SRCAP: variants seen among roughly 807,000 people sequenced by gnomAD.
SRCAP encodes the protein chromatin remodeling protein SRCAP.
A neutral mutation model predicts 263.1 loss-of-function variants in SRCAP; 46 were observed. The ratio of observed to expected loss-of-function variants is 0.17; its 90% CI spans 0.14 to 0.22. The LOEUF (loss-of-function observed/expected upper bound fraction) is 0.22. Among genes scored for constraint, SRCAP ranks in the 10% least tolerant of loss-of-function variants. The probability of loss-of-function intolerance (pLI) is 1.00; values close to 1 mark genes in which losing one functional copy is unlikely to be tolerated. For synonymous variants in SRCAP, 1,813 were observed against 1,662.1 expected (o/e 1.09, Z -2.21); for missense variants, 3,695 against 4,181.9 (o/e 0.88, Z 3.21).
In SRCAP at chr16:30,734,049, C is replaced by T. The variant is rs1390488795; in HGVS notation, c.6609+41C>T. ...TTTTAGCCTATGCAGGAGAAAACTGCTGCGCCTTCAGGAGTTCCTCCTGTT... is the reference window on the plus strand; with the variant it reads ...TTTTAGCCTATGCAGGAGAAAACTGTTGCGCCTTCAGGAGTTCCTCCTGTT... On this transcript the variant is annotated intron_variant, in intron 30 of 33. Coordinates refer to ENST00000262518, the MANE Select transcript of SRCAP (RefSeq NM_006662.3). 9.9e-6 allele frequency: 15 copies of T among 1,518,202 alleles called. No individual in the cohort carries two copies. In the East Asian group the frequency reaches 3.4e-4, roughly 34 times the overall value. The allele number at this position is 1,518,202 out of a possible 1,614,324, so 94.0% of individuals were successfully genotyped here.
intron 25 of SRCAP, among the ~76,000 whole-genome samples, chr16:30,727,877 C>T (rs532275749): frequency 4.6e-5 from 7 of 151,888 alleles, no homozygotes; most frequent in Admixed American, 3.3e-4. Flanking sequence ...TGTAGAGATG[C>T]GGTTTTGCCA....
chr16:30,704,925 G>A (rs762007611), intron 4 of SRCAP, among the ~76,000 whole-genome samples: 4 of 152,142 alleles, frequency 2.6e-5, no homozygotes, highest in Non-Finnish European at 2.9e-5. Context: ...TATTTCTATC[G>A]TGCAGTCTGT....
rs373855752 is a variant in SRCAP at position 30,737,491 on chromosome 16, C to T, written c.7451C>T (p.Ser2484Phe). 1 of 1,594,790 alleles carries T rather than the reference C, an allele frequency of 6.3e-7. No individual in the cohort carries two copies. Among genetic ancestry groups the T allele is most frequent in the Non-Finnish European group, 8.6e-7 (1 of 1,164,034 alleles). ...ITILPVHILPSPPPPSQIPPC... is the reference protein window; with the variant it reads ...ITILPVHILPFPPPPSQIPPC... The stretch of plus-strand genomic sequence containing the variant: ...ATTCTCCCTGTCCATATCTTGCCTT[C>T]TCCTCCCCCTCCTTCACAGATTCCT... Residue 2484 changes from serine (S) to phenylalanine (F), a missense_variant, in exon 34 of 34, where the codon TCT becomes TTT. Ser to Phe is a radical substitution (Grantham distance 155). Around this residue, in one of 12 missense-constraint regions of SRCAP, gnomAD observed 1,207 missense variants for 1,142.9 expected, o/e 1.06. Coordinates refer to ENST00000262518, the MANE Select transcript of SRCAP (RefSeq NM_006662.3).
In SRCAP at chr16:30,738,718, A is replaced by T. The variant is rs1280375825; in HGVS notation, c.8678A>T (p.Asp2893Val). The T allele has an allele frequency of 6.2e-7, 1 of 1,614,006 alleles. No homozygotes were observed. Among genetic ancestry groups the T allele is most frequent in the Admixed American group, 1.7e-5 (1 of 60,010 alleles). Residue 2893 changes from aspartate to valine, a missense_variant, in exon 34 of 34, where the codon GAC (aspartate) becomes GTC (valine). Physicochemically the swap from Asp to Val is radical, Grantham distance 152. Transcript: ENST00000262518. ...STLKGKTNGA[D>V]PVPGPETLIV... ...TTGAAGGGAAAAACCAATGGGGCTG[A>T]CCCAGTCCCTGGGCCTGAGACCCTA... is the stretch of plus-strand genomic sequence containing the variant.
chr16:30,729,670 A>C (rs1446905589), intron 27 of SRCAP, 98 bp downstream of exon 27: 5 of 1,425,494 alleles, frequency 3.5e-6, no homozygotes, highest in Non-Finnish European at 4.8e-6. Context: ...TTCTCTTGCG[A>C]TTTCTGTAAA....
intron 23 of SRCAP, 37 bp from the exon 24 acceptor site, chr16:30,722,926 T>A (rs772809666): frequency 7.2e-5 from 113 of 1,576,572 alleles, no homozygotes; most frequent in Non-Finnish European, 9.5e-5. Context: ...CTTTTGTTTC[T>A]TTTCTACCTT....
At chr16:30,719,516 T>G (rs2052988905) in intron 18 of SRCAP, among the ~76,000 whole-genome samples, 1 of 148,110 alleles carries the variant, frequency 6.8e-6, no homozygotes, top group East Asian at 2.0e-4. Context: ...CACCCGGCCT[T>G]TTTTTTTTTA....
chr16:30,707,486 G>C, intron 5 of SRCAP, 86 bp from the exon 6 acceptor site: 2 of 1,605,942 alleles, frequency 1.2e-6, no homozygotes, highest in Non-Finnish European at 1.7e-6. Context: ...TGATTTTCCA[G>C]ATTTCTTGGC....
intron 32 of SRCAP, 64 bp from the exon 33 acceptor site, chr16:30,736,477 A>G (rs1013081956): frequency 1.9e-6 from 3 of 1,611,428 alleles, no homozygotes; most frequent in Admixed American, 3.4e-5. Flanking sequence ...GGTGGGAATA[A>G]ATAAGGGTGG....
intron 24 of SRCAP, 139 bp from the exon 25 acceptor site, chr16:30,723,445 A>G (rs2053031045): frequency 1.4e-6 from 2 of 1,480,184 alleles, no homozygotes; most frequent in Non-Finnish European, 8.9e-7. Context: ...TTGTCAGATT[A>G]CTTGGATGTT....
chr16:30,730,824 C>T (rs1034991492), intron 27 of SRCAP, among the ~76,000 whole-genome samples: 8 of 151,036 alleles, frequency 5.3e-5, no homozygotes, highest in East Asian at 3.9e-4. Flanking sequence ...CCCACCACAA[C>T]GCCTGGGTGA....
Position 30,724,031 on chromosome 16 carries a change from G to T in SRCAP, c.4607G>T (p.Gly1536Val), listed in dbSNP as rs1362809821. The change falls in exon 25 of 34, where the codon GGG (glycine) becomes GTG (valine). Residue 1536 changes from glycine (G) to valine (V), a missense_variant. Physicochemically the swap from Gly to Val is moderately radical, Grantham distance 109. Transcript: ENST00000262518. ...GCTCCCACCTCTTCACATGTTCCAG[G>T]GTTGAACTCAACCGTGGCCCCAGCA... is the stretch of plus-strand genomic sequence containing the variant. ...LLAPTSSHVP[G>V]LNSTVAPACS... 1.9e-6 allele frequency: 3 copies of T among 1,613,822 alleles called. No individual in the cohort carries two copies. In the South Asian group the frequency reaches 3.3e-5, roughly 18 times the overall value.
rs1265372600 is a variant in SRCAP at position 30,716,017 on chromosome 16, C to T, written c.2494-49C>T. The T allele has an allele frequency of 1.9e-6, 3 of 1,611,010 alleles. No individual in the cohort carries two copies. The African/African-American group carries it at 4.0e-5, about 22-fold the overall frequency. On this transcript the variant is annotated intron_variant, in intron 16 of 33. Coordinates refer to ENST00000262518, the MANE Select transcript of SRCAP (RefSeq NM_006662.3). ...GTTTGCTGAGGGGCTTAGGCTGGGGCTCGGTGCCTGAGTTCTCCTGTTTAG... is the reference window on the plus strand; with the variant it reads ...GTTTGCTGAGGGGCTTAGGCTGGGGTTCGGTGCCTGAGTTCTCCTGTTTAG...
chr16:30,715,963 G>C (rs1275900900), intron 16 of SRCAP, 103 bp from the exon 17 acceptor site: 1 of 1,463,516 alleles, frequency 6.8e-7, no homozygotes, highest in Non-Finnish European at 9.3e-7. Flanking sequence ...GTTGGTGTCT[G>C]ATATGGTGTG....
At position 30,716,424 on chromosome 16, in the gene SRCAP, T is replaced by C; in HGVS notation, c.2762T>C (p.Ile921Thr). Residue 921 changes from isoleucine (I) to threonine (T), a missense_variant, in exon 18 of 34, where the codon ATC (isoleucine) becomes ACC (threonine). By Grantham distance (89) the Ile-to-Thr change is moderately conservative. Coordinates refer to ENST00000262518, the MANE Select transcript of SRCAP (RefSeq NM_006662.3). ...PVTSPFITPG[I>T]CFSTASLVLR... ...ACCTCCCCTTTCATCACCCCAGGCA[T>C]CTGCTTCAGCACCGCCTCTCTGGTG... 6.2e-7 allele frequency: 1 copy of C among 1,614,206 alleles called. No homozygotes were observed.
chr16:30,733,191 A>G lies in SRCAP; in HGVS notation c.6128-89A>G. On this transcript the variant is annotated intron_variant, in intron 27 of 33. Coordinates refer to ENST00000262518, the MANE Select transcript of SRCAP (RefSeq NM_006662.3). The surrounding 1 kb of genome is among the most constrained non-coding windows in gnomAD (Gnocchi z 5.3). Reference sequence around the variant, plus strand: ...ATTGAAACTTTGGCTTAAAGCATTGATTATCTTTCAACCCCAGCCTTGCAT... The same window carrying G: ...ATTGAAACTTTGGCTTAAAGCATTGGTTATCTTTCAACCCCAGCCTTGCAT... The G allele has an allele frequency of 6.9e-7, 1 of 1,456,388 alleles. No homozygotes were observed. The highest frequency in any genetic ancestry group is 9.3e-7 in the Non-Finnish European group (1 of 1,075,906). 90.2% of individuals were successfully genotyped at this position (1,456,388 alleles called of 1,614,324 possible).
chr16:30,702,884 T>A (rs527308268), intron 3 of SRCAP, among the ~76,000 whole-genome samples: 69 of 151,718 alleles, frequency 4.5e-4, no homozygotes, highest in African/African-American at 1.5e-3. Flanking sequence ...GAGCCCAGCT[T>A]CCATTTCTTA....
chr16:30,738,562 C>T lies in SRCAP; in HGVS notation c.8522C>T (p.Pro2841Leu). ...IELGVTGGGSPENGDGALLAI... is the reference protein window; with the variant it reads ...IELGVTGGGSLENGDGALLAI... ...CTGGGGGTGACTGGTGGTGGCAGCC[C>T]CGAGAATGGAGACGGAGCACTGCTC... is the stretch of plus-strand genomic sequence containing the variant. The change falls in exon 34 of 34, where the codon CCC becomes CTC. Residue 2841 changes from proline to leucine, a missense_variant. Physicochemically the swap from Pro to Leu is moderately conservative, Grantham distance 98. Coordinates refer to ENST00000262518, the MANE Select transcript of SRCAP (RefSeq NM_006662.3). 2 of 1,610,642 alleles carry T rather than the reference C, an allele frequency of 1.2e-6. No individual in the cohort carries two copies. Among genetic ancestry groups the T allele is most frequent in the Non-Finnish European group, 1.7e-6 (2 of 1,178,364 alleles).
intron 31 of SRCAP, 92 bp downstream of exon 31, chr16:30,734,707 A>C: frequency 6.4e-7 from 1 of 1,564,898 alleles, no homozygotes; most frequent in South Asian, 1.2e-5. Context: ...CAGGGGAAAG[A>C]GATGTTTCTT....
Sources: gnomAD v4.1 joint callset for allele counts (sites outside exome capture counted in the v4.1 genomes callset) on GRCh38, gnomAD v4.1.1 for gene constraint, gnomAD v4.1.1 regional missense constraint, Gnocchi (gnomAD v3.1) non-coding constraint, MANE v1.5 for transcripts, NCBI Gene and HGNC (gene_info 2026-07-23, HGNC 2026-07-21) for gene names.